Variants in ACER2 observed in about 807,000 individuals in gnomAD.
The protein encoded by ACER2 is alkaline ceramidase 2, also known as alkCDase 2.
Under a neutral mutation model 34.7 loss-of-function variants are expected in ACER2, and 26 were observed. The ratio of observed to expected loss-of-function variants is 0.75; its 90% CI spans 0.55 to 1.04. The LOEUF (loss-of-function observed/expected upper bound fraction) is 1.04, where lower values mean the gene tolerates loss of function less well. Among genes scored for constraint, ACER2 ranks in the 50% least tolerant of loss-of-function variants. ACER2 has a pLI of 0.00. For synonymous variants in ACER2, 138 were observed against 132.1 expected (o/e 1.04, Z -0.31); for missense variants, 352 against 340.8 (o/e 1.03, Z -0.26).
At chr9:19,427,849 G>A (rs1333332297) in intron 3 of ACER2, among the ~76,000 whole-genome samples, 1 of 151,784 alleles carries the variant, frequency 6.6e-6, no homozygotes, top group Non-Finnish European at 1.5e-5. Flanking sequence ...TGTATTTTTA[G>A]TAGAGATGGG....
intron 1 of ACER2, chr9:19,409,836 A>G (rs1013142855): frequency 2.6e-5 from 26 of 985,320 alleles, no homozygotes; most frequent in Non-Finnish European, 3.1e-5. Flanking sequence ...CCAGTTCTGA[A>G]GTCTGAGGGA....
intron 1 of ACER2, among the ~76,000 whole-genome samples, chr9:19,419,517 G>A (rs368254174): frequency 6.6e-6 from 1 of 152,098 alleles, no homozygotes; most frequent in Admixed American, 6.6e-5. Context: ...TGTAATCCTG[G>A]CACTGTTAAA....
intron 4 of ACER2, among the ~76,000 whole-genome samples, chr9:19,445,433 AG>A (rs1242076018): frequency 6.6e-6 from 1 of 152,250 alleles, no homozygotes; most frequent in Non-Finnish European, 1.5e-5. Context: ...AGAGGGTGTC[AG>A]GGAGGTTATA....
chr9:19,448,440 G>C (rs893165734), intron 5 of ACER2, among the ~76,000 whole-genome samples: 3 of 152,004 alleles, frequency 2.0e-5, no homozygotes, highest in African/African-American at 7.3e-5. Context: ...TCATAATATG[G>C]ACACTTTATA....
In ACER2 at chr9:19,428,542, G is replaced by A. The variant is rs963033898; in HGVS notation, c.365+3701G>A. Among the ~76,000 whole-genome samples, 4 of 151,790 alleles carry A rather than the reference G, an allele frequency of 2.6e-5. No individual in the cohort carries two copies. The East Asian group carries it at 7.8e-4, about 29-fold the overall frequency. On this transcript the variant is annotated intron_variant, in intron 3 of 5. Transcript: ENST00000340967. ...TTTTGGAGAAGAGACAGGAGAGTGT[G>A]GTGGCTAAGTAAGTTTGGATCAGAC...
chr9:19,448,087 A>G (rs997937702), intron 5 of ACER2, among the ~76,000 whole-genome samples: 4 of 145,580 alleles, frequency 2.7e-5, no homozygotes, highest in African/African-American at 1.0e-4. Context: ...GCTCACTGCA[A>G]TCTCTGCCTC....
chr9:19,435,558 G>A (rs1589056508), intron 4 of ACER2, among the ~76,000 whole-genome samples: 1 of 152,180 alleles, frequency 6.6e-6, no homozygotes, highest in East Asian at 1.9e-4. Context: ...TTTGCTCTTT[G>A]CATTAGCATT....
At chr9:19,446,542 G>A (rs891673324) in intron 5 of ACER2, 124 bp downstream of exon 5, 2 of 1,541,014 alleles carry the variant, frequency 1.3e-6, no homozygotes, top group Admixed American at 1.9e-5. Flanking sequence ...CTCTCCTCAG[G>A]TGGACGGTCA....
At chr9:19,437,776 C>T (rs1771249896) in intron 4 of ACER2, among the ~76,000 whole-genome samples, 1 of 152,180 alleles carries the variant, frequency 6.6e-6, no homozygotes, top group South Asian at 2.1e-4. Flanking sequence ...ATCCTAGACA[C>T]CTGCTCCTTC....
chr9:19,409,533 G>C (rs955702466), intron 1 of ACER2, among the ~76,000 whole-genome samples: 2 of 152,028 alleles, frequency 1.3e-5, no homozygotes, highest in African/African-American at 4.8e-5. Flanking sequence ...AACCTGCCGG[G>C]ACAAGTCTCT....
At chr9:19,423,770 C>CA (rs1437925779) in intron 1 of ACER2, 92 bp from the exon 2 acceptor site, 1 of 911,846 alleles carries the variant, frequency 1.1e-6, no homozygotes, top group East Asian at 2.4e-5. Context: ...ACATTTATCC[C>CA]AGTTTGCAAG....
At chr9:19,446,837 T>G (rs369471330) in intron 5 of ACER2, among the ~76,000 whole-genome samples, 1 of 152,012 alleles carries the variant, frequency 6.6e-6, no homozygotes, top group East Asian at 1.9e-4. Flanking sequence ...AGAGACCAAG[T>G]GCAAGGAGGG....
intron 1 of ACER2, among the ~76,000 whole-genome samples, chr9:19,415,494 C>CAATA (rs528544612): frequency 0.051 from 7,558 of 149,052 alleles, 254 homozygotes; most frequent in Non-Finnish European, 0.078. Context: ...GACTCCATCT[C>CAATA]AATAAATAAA....
At chr9:19,433,871 C>T (rs1233291373) in intron 3 of ACER2, among the ~76,000 whole-genome samples, 9 of 151,334 alleles carry the variant, frequency 5.9e-5, no homozygotes, top group South Asian at 2.1e-4. Flanking sequence ...GGCAGAGGTG[C>T]CCCTCACCTC....
intron 4 of ACER2, among the ~76,000 whole-genome samples, chr9:19,444,730 G>T (rs1700200413): frequency 6.6e-6 from 1 of 152,118 alleles, no homozygotes; most frequent in African/African-American, 2.4e-5. Context: ...TTTTTGAGAG[G>T]GAACCAGCCC....
At chr9:19,423,145 G>T (rs1229772841) in intron 1 of ACER2, among the ~76,000 whole-genome samples, 1 of 151,836 alleles carries the variant, frequency 6.6e-6, no homozygotes, top group East Asian at 1.9e-4. Context: ...GGAAAACATA[G>T]CTAGACCATG....
chr9:19,409,065 T>G lies in ACER2; in HGVS notation c.-20T>G. The G allele has an allele frequency of 6.4e-7, 1 of 1,558,910 alleles. No homozygotes were observed. On this transcript the variant is annotated 5_prime_UTR_variant, in exon 1 of 6. Coordinates refer to ENST00000340967, the MANE Select transcript of ACER2 (RefSeq NM_001010887.3). Reference sequence around the variant, plus strand: ...TCTTCTCAGCTGCGCGAGCAGCTGCTCCAATGCCCCGGAGTGGCCATGGGC... The same window carrying G: ...TCTTCTCAGCTGCGCGAGCAGCTGCGCCAATGCCCCGGAGTGGCCATGGGC...
chr9:19,440,256 G>C (rs1831113389), intron 4 of ACER2, among the ~76,000 whole-genome samples: 1 of 152,042 alleles, frequency 6.6e-6, no homozygotes, highest in African/African-American at 2.4e-5. Flanking sequence ...TCAGTCTCTT[G>C]CGTAGACTCC....
intron 5 of ACER2, among the ~76,000 whole-genome samples, chr9:19,447,759 A>T (rs1388439812): frequency 6.6e-6 from 1 of 152,158 alleles, no homozygotes; most frequent in African/African-American, 2.4e-5. Context: ...AATTTGGTAT[A>T]TTTCTGCTTT....
Sources: gnomAD v4.1 joint callset for allele counts (sites outside exome capture counted in the v4.1 genomes callset) on GRCh38, gnomAD v4.1.1 for gene constraint, MANE v1.5 for transcripts, NCBI Gene and HGNC (gene_info 2026-07-23, HGNC 2026-07-21) for gene names.